Variants in BCKDHB observed in about 807,000 individuals in gnomAD.
BCKDHB encodes branched chain keto acid dehydrogenase E1 subunit beta.
Under a neutral mutation model 48.5 loss-of-function variants are expected in BCKDHB, and 41 were observed. The ratio of observed to expected loss-of-function variants is 0.85; its 90% CI spans 0.66 to 1.10. The LOEUF is 1.10. BCKDHB is among the 50% of genes least tolerant of loss of function. The probability of loss-of-function intolerance (pLI) is 0.00; values close to 1 mark genes in which losing one functional copy is unlikely to be tolerated. For missense variants in BCKDHB, 496 were observed against 494.2 expected (o/e 1.00, Z -0.03); for synonymous variants, 201 against 174.8 (o/e 1.15, Z -1.18).
chr6:80,317,658 G>C (rs902285460), intron 9 of BCKDHB, among the ~76,000 whole-genome samples: 2 of 152,134 alleles, frequency 1.3e-5, no homozygotes, highest in Admixed American at 1.3e-4. Flanking sequence ...TGCCATGTAA[G>C]GTAACATATT....
intron 8 of BCKDHB, among the ~76,000 whole-genome samples, chr6:80,225,952 A>G (rs1255556247): frequency 6.6e-6 from 1 of 152,228 alleles, no homozygotes; most frequent in Admixed American, 6.5e-5. Context: ...GTGCTTTATT[A>G]GATGCTCTCA....
intron 9 of BCKDHB, among the ~76,000 whole-genome samples, chr6:80,274,305 A>G (rs1182572033): frequency 3.3e-5 from 5 of 152,046 alleles, no homozygotes; most frequent in Non-Finnish European, 1.5e-5. Context: ...TTTACAATTT[A>G]TATGTAGTCA....
chr6:80,242,243 G>GT (rs1776420051), intron 8 of BCKDHB, among the ~76,000 whole-genome samples: 1 of 151,968 alleles, frequency 6.6e-6, no homozygotes, highest in African/African-American at 2.4e-5. Flanking sequence ...GTGATTTAAG[G>GT]TAAGAGCTCT....
In BCKDHB at chr6:80,190,961, A is replaced by G. The variant is rs572702954; in HGVS notation, c.743-9973A>G. ...TGTAGATGGCAGCGATGTTGGTGGC[A>G]GGGCATTTAATAGGGATGGGTCTGC... On this transcript the variant is annotated intron_variant, in intron 6 of 9. Coordinates refer to ENST00000320393, the MANE Select transcript of BCKDHB (RefSeq NM_183050.4). 2.6e-5 allele frequency among the ~76,000 whole-genome samples: 4 copies of G among 152,160 alleles called. No individual in the cohort carries two copies. The East Asian group carries it at 7.8e-4, about 30-fold the overall frequency.
the BCKDHB span, among the ~76,000 whole-genome samples, chr6:80,409,214 T>C: frequency 6.8e-4 from 103 of 152,248 alleles, no homozygotes; most frequent in Non-Finnish European, 1.2e-3. Context: ...AATCCTGAGT[T>C]CTAGTTTGAT....
chr6:80,298,978 A>G (rs1767409087), intron 9 of BCKDHB, among the ~76,000 whole-genome samples: 1 of 152,202 alleles, frequency 6.6e-6, no homozygotes, highest in Non-Finnish European at 1.5e-5. Flanking sequence ...ATAGCCGTCA[A>G]CAAAGATTGC....
the BCKDHB span, among the ~76,000 whole-genome samples, chr6:80,409,245 A>T: frequency 6.6e-6 from 1 of 151,936 alleles, no homozygotes; most frequent in Non-Finnish European, 1.5e-5. Flanking sequence ...TCTGAGAGAC[A>T]GTTTGTTGTG....
intron 8 of BCKDHB, among the ~76,000 whole-genome samples, chr6:80,269,417 A>G (rs1777642804): frequency 1.3e-5 from 2 of 152,254 alleles, no homozygotes; most frequent in South Asian, 4.1e-4. Context: ...CAAATCTTTT[A>G]GAACAAATCT....
intron 9 of BCKDHB, among the ~76,000 whole-genome samples, chr6:80,331,054 G>A (rs994268974): frequency 1.3e-5 from 2 of 152,106 alleles, no homozygotes; most frequent in African/African-American, 4.8e-5. Flanking sequence ...TATTGTTAAT[G>A]CCACAGAAAA....
At chr6:80,111,868 ACAGTGTTACC>A (rs1769429398) in intron 1 of BCKDHB, among the ~76,000 whole-genome samples, 1 of 152,178 alleles carries the variant, frequency 6.6e-6, no homozygotes, top group African/African-American at 2.4e-5. Context: ...CCGGGGGGCT[ACAGTGTTACC>A]CAGAGCCCCC....
intron 8 of BCKDHB, among the ~76,000 whole-genome samples, chr6:80,269,532 C>T (rs761073383): frequency 6.6e-6 from 1 of 152,052 alleles, no homozygotes; most frequent in East Asian, 1.9e-4. Flanking sequence ...ATTTGTCACC[C>T]GTAACTCATT....
chr6:80,386,617 G>A, the BCKDHB span, among the ~76,000 whole-genome samples: 2 of 152,284 alleles, frequency 1.3e-5, no homozygotes, highest in Admixed American at 1.3e-4. Context: ...GGGCCAAGTG[G>A]TGGCACTCAA....
chr6:80,418,519 C>T, the BCKDHB span, among the ~76,000 whole-genome samples: 352 of 152,182 alleles, frequency 2.3e-3, 1 homozygote, highest in Non-Finnish European at 3.6e-3. Flanking sequence ...AAGGTGGATT[C>T]GGCCAACTGG....
In BCKDHB at chr6:80,162,399, C is replaced by T. The variant is rs140183342; in HGVS notation, c.344-5279C>T. On this transcript the variant is annotated intron_variant, in intron 3 of 9. Coordinates refer to ENST00000320393, the MANE Select transcript of BCKDHB (RefSeq NM_183050.4). ...ATGTAAGGGTTCCTATCAACCCCTC[C>T]ACAGTAGATCCCTTCTTCTCTTGTC... is the stretch of plus-strand genomic sequence containing the variant. 1.7e-3 allele frequency among the ~76,000 whole-genome samples: 264 copies of T among 152,312 alleles called. 1 individual carries two copies. Among genetic ancestry groups the T allele is most frequent in the African/African-American group, 6.0e-3 (250 of 41,582 alleles).
At chr6:80,449,301 A>C in the BCKDHB span, among the ~76,000 whole-genome samples, 1 of 152,186 alleles carries the variant, frequency 6.6e-6, no homozygotes, top group Admixed American at 6.5e-5. Context: ...TGGTGAGGTT[A>C]AAATAACTTG....
At chr6:80,359,098 G>T in the BCKDHB span, among the ~76,000 whole-genome samples, 4 of 152,168 alleles carry the variant, frequency 2.6e-5, no homozygotes, top group Non-Finnish European at 5.9e-5. Flanking sequence ...CAAGTTCTTC[G>T]TGGGTCTGAG....
chr6:80,107,451 A>G (rs1205844334), intron 1 of BCKDHB, among the ~76,000 whole-genome samples: 1 of 135,008 alleles, frequency 7.4e-6, no homozygotes, highest in African/African-American at 2.8e-5. Flanking sequence ...GTGTGTATAT[A>G]TCCACACACA....
chr6:80,283,346 A>T (rs996068217), intron 9 of BCKDHB, among the ~76,000 whole-genome samples: 1 of 152,064 alleles, frequency 6.6e-6, no homozygotes, highest in Non-Finnish European at 1.5e-5. Context: ...GATTTAAGCC[A>T]GTCAGAAAAA....
chr6:80,133,286 CAAAG>C (rs1770722866), intron 3 of BCKDHB, among the ~76,000 whole-genome samples: 3 of 152,110 alleles, frequency 2.0e-5, no homozygotes, highest in South Asian at 4.1e-4. Context: ...CTTGATATGA[CAAAG>C]AAGGAATTGC....
Sources: allele counts gnomAD v4.1 joint callset (sites outside exome capture counted in the v4.1 genomes callset), GRCh38; gene constraint gnomAD v4.1.1; transcripts MANE v1.5; gene names NCBI Gene and HGNC (gene_info 2026-07-23, HGNC 2026-07-21).